LSAMP: variants seen among roughly 807,000 people sequenced by gnomAD.
The protein encoded by LSAMP is limbic system-associated membrane protein.
Under a neutral mutation model 38.6 loss-of-function variants are expected in LSAMP, and 7 were observed. The ratio of observed to expected loss-of-function variants is 0.18; its 90% CI spans 0.10 to 0.34. LSAMP has a LOEUF of 0.34. LSAMP is among the 10% of genes least tolerant of loss of function. The probability of loss-of-function intolerance (pLI) is 1.00; values close to 1 mark genes in which losing one functional copy is unlikely to be tolerated. For synonymous variants in LSAMP, 154 were observed against 166.8 expected, an observed-to-expected ratio of 0.92 and a Z score of 0.59; for missense variants, 313 against 420.0, an observed-to-expected ratio of 0.75 and a Z score of 2.23.
intron 1 of LSAMP, among the ~76,000 whole-genome samples, chr3:116,141,101 C>T (rs1314825195): frequency 6.6e-6 from 1 of 151,870 alleles, no homozygotes; most frequent in Non-Finnish European, 1.5e-5. Flanking sequence ...CCTATTCCTT[C>T]CACTAAAAAT....
At chr3:115,870,039 A>G (rs1002805669) in intron 3 of LSAMP, among the ~76,000 whole-genome samples, 33 of 152,122 alleles carry the variant, frequency 2.2e-4, no homozygotes, top group African/African-American at 6.5e-4. Context: ...AAAAATTAAA[A>G]TAATATTTTT....
chr3:115,971,480 T>A (rs1400037041), intron 3 of LSAMP, among the ~76,000 whole-genome samples: 1 of 152,060 alleles, frequency 6.6e-6, no homozygotes, highest in Non-Finnish European at 1.5e-5. Flanking sequence ...ATAAAAAGAG[T>A]CCTCTTATTT....
intron 1 of LSAMP, among the ~76,000 whole-genome samples, chr3:116,256,365 A>T (rs1314470216): frequency 6.6e-6 from 1 of 152,224 alleles, no homozygotes; most frequent in Admixed American, 6.5e-5. Flanking sequence ...ATAGAATATC[A>T]CTTTTACAAA....
chr3:115,956,954 C>T (rs1938473351), intron 3 of LSAMP, among the ~76,000 whole-genome samples: 1 of 152,172 alleles, frequency 6.6e-6, no homozygotes, highest in Non-Finnish European at 1.5e-5. Flanking sequence ...AACCTGAAAT[C>T]TAGCTTTTCT....
At chr3:115,842,682 A>C in intron 4 of LSAMP, 104 bp from the exon 5 acceptor site, 2 of 1,445,514 alleles carry the variant, frequency 1.4e-6, no homozygotes, top group Non-Finnish European at 1.9e-6. Context: ...AGAGGCAGGA[A>C]GGGAGCCATC....
At chr3:116,293,556 G>A (rs1165259444) in intron 1 of LSAMP, among the ~76,000 whole-genome samples, 1 of 152,106 alleles carries the variant, frequency 6.6e-6, no homozygotes, top group Admixed American at 6.5e-5. Flanking sequence ...TCATACAGAG[G>A]TGACTAGTGA....
chr3:116,412,693 G>T (rs542940799), intron 1 of LSAMP, among the ~76,000 whole-genome samples: 7 of 151,964 alleles, frequency 4.6e-5, no homozygotes, highest in African/African-American at 1.7e-4. Flanking sequence ...TTAAAATGGG[G>T]GATTTTATTG....
At chr3:116,438,695 GCAA>G (rs1252721962) in intron 1 of LSAMP, among the ~76,000 whole-genome samples, 1 of 152,116 alleles carries the variant, frequency 6.6e-6, no homozygotes, top group African/African-American at 2.4e-5. Context: ...AGCATTAGAA[GCAA>G]CAACAAAAAC....
intron 6 of LSAMP, among the ~76,000 whole-genome samples, chr3:115,833,972 A>G (rs1211709024): frequency 6.6e-6 from 1 of 152,148 alleles, no homozygotes; most frequent in Non-Finnish European, 1.5e-5. Flanking sequence ...AAGTTTATGA[A>G]AAGGAATTCT....
chr3:116,072,478 A>G (rs1045123337), intron 2 of LSAMP, among the ~76,000 whole-genome samples: 2 of 152,144 alleles, frequency 1.3e-5, no homozygotes, highest in Admixed American at 1.3e-4. Context: ...GAATTGCCAC[A>G]CTTTCACAGT....
intron 3 of LSAMP, among the ~76,000 whole-genome samples, chr3:115,921,799 T>G (rs924823016): frequency 1.3e-5 from 2 of 152,164 alleles, no homozygotes; most frequent in Non-Finnish European, 1.5e-5. Flanking sequence ...TGTTTAATTT[T>G]TAAGGAATAT....
At chr3:115,915,817 G>C (rs949430556) in intron 3 of LSAMP, among the ~76,000 whole-genome samples, 4 of 151,988 alleles carry the variant, frequency 2.6e-5, no homozygotes, top group East Asian at 1.9e-4. Context: ...ATTTCTAGTA[G>C]AGACAGCATT....
chr3:116,235,893 T>A (rs2107633087), intron 1 of LSAMP, among the ~76,000 whole-genome samples: 1 of 152,324 alleles, frequency 6.6e-6, no homozygotes, highest in African/African-American at 2.4e-5. Context: ...AGAAAGATGC[T>A]CTAATTTCTA....
intron 1 of LSAMP, among the ~76,000 whole-genome samples, chr3:116,147,182 C>T (rs1018020812): frequency 3.2e-4 from 49 of 151,870 alleles, no homozygotes; most frequent in African/African-American, 1.1e-3. Context: ...TTCTATTTGT[C>T]ATTATTCTAA....
chr3:115,884,552 G>A (rs1576183265), intron 3 of LSAMP, among the ~76,000 whole-genome samples: 1 of 130,748 alleles, frequency 7.6e-6, no homozygotes, highest in Non-Finnish European at 1.8e-5. Context: ...TGGTTCTGGT[G>A]ATCTCTCTAG....
At chr3:116,131,567 G>A (rs1272298098) in intron 1 of LSAMP, among the ~76,000 whole-genome samples, 1 of 152,268 alleles carries the variant, frequency 6.6e-6, no homozygotes, top group African/African-American at 2.4e-5. Context: ...ACCATGTATA[G>A]AGAGTCTACC....
intron 1 of LSAMP, among the ~76,000 whole-genome samples, chr3:116,111,434 A>G (rs1708613272): frequency 6.6e-6 from 1 of 152,248 alleles, no homozygotes; most frequent in South Asian, 2.1e-4. Flanking sequence ...TCACTGAGAC[A>G]TGAGTTAATA....
At chr3:116,236,157 T>A (rs958847980) in intron 1 of LSAMP, among the ~76,000 whole-genome samples, 1 of 152,198 alleles carries the variant, frequency 6.6e-6, no homozygotes, top group African/African-American at 2.4e-5. Flanking sequence ...TGAATCCATT[T>A]TTTTCATTTT....
intron 3 of LSAMP, among the ~76,000 whole-genome samples, chr3:115,912,447 G>T (rs1166345938): frequency 6.6e-6 from 1 of 152,166 alleles, no homozygotes; most frequent in Admixed American, 6.5e-5. Flanking sequence ...GGGTGGGTGT[G>T]GAAAGCCAGA....
Sources: gnomAD v4.1 joint callset for allele counts (sites outside exome capture counted in the v4.1 genomes callset) on GRCh38, gnomAD v4.1.1 for gene constraint, MANE v1.5 for transcripts, NCBI Gene and HGNC (gene_info 2026-07-23, HGNC 2026-07-21) for gene names.